The following ARB2A variants were observed in gnomAD, a reference collection of about 807,000 sequenced individuals.
ARB2A encodes the protein cotranscriptional regulator ARB2A.
At chr5:93,819,936 T>C in the ARB2A span, among the ~76,000 whole-genome samples, 1 of 152,156 alleles carries the variant, frequency 6.6e-6, no homozygotes, top group African/African-American at 2.4e-5. Context: ...GAGGTGCCAA[T>C]CAAGTGCTGA....
At chr5:93,761,546 C>G in the ARB2A span, among the ~76,000 whole-genome samples, 2 of 152,184 alleles carry the variant, frequency 1.3e-5, no homozygotes, top group Non-Finnish European at 2.9e-5. Context: ...AGTAGGTAAA[C>G]AAAGCAGCTG....
chr5:93,981,944 TCA>T, the ARB2A span, among the ~76,000 whole-genome samples: 4 of 152,104 alleles, frequency 2.6e-5, no homozygotes, highest in Admixed American at 2.6e-4. Context: ...CACAGTCCCT[TCA>T]GTCTCTACTC....
At chr5:93,740,392 A>T in the ARB2A span, 1 of 613,200 alleles carries the variant, frequency 1.6e-6, no homozygotes, top group Non-Finnish European at 2.7e-6. Context: ...AATAAACTTC[A>T]TCTTCTCTCC....
At chr5:93,844,078 C>G in the ARB2A span, among the ~76,000 whole-genome samples, 1 of 148,988 alleles carries the variant, frequency 6.7e-6, no homozygotes, top group African/African-American at 2.5e-5. Flanking sequence ...CAATTTCGGA[C>G]TTTTCAATAG....
chr5:93,711,968 T>C, the ARB2A span, among the ~76,000 whole-genome samples: 1 of 152,168 alleles, frequency 6.6e-6, no homozygotes, highest in Non-Finnish European at 1.5e-5. Flanking sequence ...ACAGGGAGAT[T>C]CTGGAAATGA....
chr5:93,964,451 G>C, the ARB2A span: 1 of 1,522,486 alleles, frequency 6.6e-7, no homozygotes, highest in South Asian at 1.2e-5. Flanking sequence ...TTTAAAATTT[G>C]ACTTACTGGA....
the ARB2A span, among the ~76,000 whole-genome samples, chr5:93,669,445 G>A: frequency 6.6e-6 from 1 of 151,878 alleles, no homozygotes; most frequent in Admixed American, 6.6e-5. Flanking sequence ...GTTTGAATGG[G>A]GCTAACTAGA....
chr5:93,860,228 G>T, the ARB2A span, among the ~76,000 whole-genome samples: 1 of 152,166 alleles, frequency 6.6e-6, no homozygotes, highest in African/African-American at 2.4e-5. Context: ...AGGAGGCGGA[G>T]CTTGCAGTGA....
chr5:93,922,690 GGGA>G, the ARB2A span, among the ~76,000 whole-genome samples: 41 of 138,100 alleles, frequency 3.0e-4, 1 homozygote, highest in Non-Finnish European at 3.2e-4. Flanking sequence ...GAGGGAGGGA[GGGA>G]GGAAGGAAAG....
chr5:93,683,520 A>C, the ARB2A span: 9 of 1,545,998 alleles, frequency 5.8e-6, no homozygotes, highest in Middle Eastern at 2.3e-4. Context: ...CTGCCTTCGT[A>C]ATTCATGGCC....
At chr5:93,934,509 T>C in the ARB2A span, among the ~76,000 whole-genome samples, 1 of 152,176 alleles carries the variant, frequency 6.6e-6, no homozygotes, top group African/African-American at 2.4e-5. Context: ...GTGTACATCC[T>C]AAGTGGTCTT....
the ARB2A span, among the ~76,000 whole-genome samples, chr5:94,081,013 T>A: frequency 3.3e-5 from 5 of 152,250 alleles, no homozygotes; most frequent in Admixed American, 2.6e-4. Flanking sequence ...AATAAAAAAA[T>A]TTTAAAGTGG....
chr5:93,880,813 TA>T, the ARB2A span, among the ~76,000 whole-genome samples: 3 of 151,734 alleles, frequency 2.0e-5, no homozygotes, highest in Admixed American at 1.3e-4. Context: ...CTACAAAGTG[TA>T]AAAGTTCGCT....
At chr5:94,052,785 T>C in the ARB2A span, among the ~76,000 whole-genome samples, 1 of 152,316 alleles carries the variant, frequency 6.6e-6, no homozygotes, top group South Asian at 2.1e-4. Flanking sequence ...GTAGCATCTT[T>C]CTCTATAATT....
chr5:93,681,173 C>T, the ARB2A span, among the ~76,000 whole-genome samples: 1 of 152,026 alleles, frequency 6.6e-6, no homozygotes, highest in South Asian at 2.1e-4. Flanking sequence ...ATTTTGAGCT[C>T]TCAGAATTAC....
the ARB2A span, among the ~76,000 whole-genome samples, chr5:94,110,489 G>C: frequency 5.9e-5 from 9 of 152,178 alleles, no homozygotes; most frequent in Non-Finnish European, 1.2e-4. Context: ...TTCAGCGTAG[G>C]ATTCACTGGT....
chr5:93,670,396 AG>A, the ARB2A span, among the ~76,000 whole-genome samples: 14 of 152,212 alleles, frequency 9.2e-5, no homozygotes, highest in Non-Finnish European at 1.6e-4. Flanking sequence ...TACCTGCTAC[AG>A]GCTCACTCAC....
the ARB2A span, among the ~76,000 whole-genome samples, chr5:93,898,814 A>T: frequency 6.6e-6 from 1 of 152,118 alleles, no homozygotes; most frequent in African/African-American, 2.4e-5. Flanking sequence ...TTTGTAAATA[A>T]TAACAATAGC....
At chr5:93,920,973 C>A in the ARB2A span, among the ~76,000 whole-genome samples, 2 of 151,890 alleles carry the variant, frequency 1.3e-5, no homozygotes, top group Non-Finnish European at 2.9e-5. Flanking sequence ...ATACCGGAAA[C>A]TCTGAATAAC....
Sources: allele counts gnomAD v4.1 joint callset (sites outside exome capture counted in the v4.1 genomes callset), GRCh38; gene constraint gnomAD v4.1.1; transcripts MANE v1.5; gene names NCBI Gene and HGNC (gene_info 2026-07-23, HGNC 2026-07-21).